Variants in ZNF536 observed in about 807,000 individuals in gnomAD.
ZNF536 encodes zinc finger protein 536.
Under a neutral mutation model 84.5 loss-of-function variants are expected in ZNF536, and 13 were observed. That is an observed-to-expected ratio of 0.15 (90% CI 0.10 to 0.24). The LOEUF is 0.24. ZNF536 is among the 10% of genes least tolerant of loss of function. The probability of loss-of-function intolerance (pLI) is 1.00; values close to 1 mark genes in which losing one functional copy is unlikely to be tolerated. For synonymous variants in ZNF536, 811 were observed against 742.5 expected (o/e 1.09, Z -1.50); for missense variants, 1,536 against 1,747.5 (o/e 0.88, Z 2.16).
chr19:30,698,826 G>GCCCC (rs2051772651), intron 1 of ZNF536, among the ~76,000 whole-genome samples: 1 of 152,210 alleles, frequency 6.6e-6, no homozygotes, highest in Non-Finnish European at 1.5e-5. Flanking sequence ...ACTTGGCACA[G>GCCCC]TCCACTCTTA....
At chr19:30,380,629 C>G (rs112352650) in intron 1 of ZNF536, among the ~76,000 whole-genome samples, 10,457 of 152,188 alleles carry the variant, frequency 0.069, 1,221 homozygotes, top group African/African-American at 0.24. Flanking sequence ...TGTGAGCCCT[C>G]TCAGACCAGA....
chr19:30,638,949 C>T (rs778572914), intron 1 of ZNF536, among the ~76,000 whole-genome samples: 46 of 152,228 alleles, frequency 3.0e-4, no homozygotes, highest in South Asian at 6.2e-4. Flanking sequence ...TTTCTTTTGG[C>T]GATTCCCATT....
At chr19:30,560,919 G>A (rs533702891), downstream of ZNF536, among the ~76,000 whole-genome samples, 56 of 152,218 alleles carry the variant, frequency 3.7e-4, no homozygotes, top group Non-Finnish European at 5.0e-4. Flanking sequence ...CAAGGGATGC[G>A]CATTTTCAAG....
chr19:30,323,937 G>C (rs913883999), intron 2 of ZNF536, among the ~76,000 whole-genome samples: 1 of 151,690 alleles, frequency 6.6e-6, no homozygotes, highest in African/African-American at 2.4e-5. Flanking sequence ...CCATCCATCT[G>C]TCCATCCCTT....
At chr19:30,566,511 T>A (rs2046351479) in intron 1 of ZNF536, among the ~76,000 whole-genome samples, 1 of 152,254 alleles carries the variant, frequency 6.6e-6, no homozygotes, top group Admixed American at 6.5e-5. Flanking sequence ...ATTATTCTCA[T>A]TTTAAGTATG....
At chr19:30,337,526 G>A (rs1420317434) in intron 2 of ZNF536, among the ~76,000 whole-genome samples, 1 of 152,134 alleles carries the variant, frequency 6.6e-6, no homozygotes, top group Non-Finnish European at 1.5e-5. Flanking sequence ...GTACTTTCCT[G>A]GGCACCACAA....
intron 1 of ZNF536, among the ~76,000 whole-genome samples, chr19:30,645,571 A>G (rs2049435885): frequency 1.3e-5 from 2 of 152,232 alleles, no homozygotes; most frequent in African/African-American, 4.8e-5. Context: ...TGACCTTTTA[A>G]ATATGGAAAC....
intron 1 of ZNF536, among the ~76,000 whole-genome samples, chr19:30,640,199 A>T (rs1165007315): frequency 6.6e-6 from 1 of 150,746 alleles, no homozygotes; most frequent in Non-Finnish European, 1.5e-5. Context: ...GTGAGCCAAG[A>T]TCACGCCACT....
intron 1 of ZNF536, among the ~76,000 whole-genome samples, chr19:30,636,317 C>A (rs953734297): frequency 6.6e-6 from 1 of 152,126 alleles, no homozygotes; most frequent in Non-Finnish European, 1.5e-5. Context: ...GTGATCATCT[C>A]CCCCATGGCA....
At chr19:30,650,241 A>T (rs1183323524) in intron 1 of ZNF536, among the ~76,000 whole-genome samples, 1 of 152,230 alleles carries the variant, frequency 6.6e-6, no homozygotes, top group Non-Finnish European at 1.5e-5. Context: ...GCAAACAAGG[A>T]CAAAATGATC....
At chr19:30,381,791 C>G (rs942610544) in intron 1 of ZNF536, among the ~76,000 whole-genome samples, 1 of 152,096 alleles carries the variant, frequency 6.6e-6, no homozygotes, top group Non-Finnish European at 1.5e-5. Flanking sequence ...GGGACAGAAG[C>G]GTTCAGAGTC....
chr19:30,440,737 CA>C (rs1437190226), intron 1 of ZNF536, among the ~76,000 whole-genome samples: 2 of 152,064 alleles, frequency 1.3e-5, no homozygotes, highest in Non-Finnish European at 1.5e-5. Flanking sequence ...TGTGTGAGCT[CA>C]GACCCACAAG....
intron 3 of ZNF536, among the ~76,000 whole-genome samples, chr19:30,539,136 C>G (rs140018206): frequency 6.6e-6 from 1 of 152,012 alleles, no homozygotes; most frequent in African/African-American, 2.4e-5. Flanking sequence ...CACACACACA[C>G]ACGCACACAG....
chr19:30,377,227 G>T (rs1248086727), intron 1 of ZNF536, among the ~76,000 whole-genome samples: 1 of 152,168 alleles, frequency 6.6e-6, no homozygotes, highest in Non-Finnish European at 1.5e-5. Flanking sequence ...CAGCCCCTCT[G>T]GTCTCAGAGC....
intron 2 of ZNF536, among the ~76,000 whole-genome samples, chr19:30,289,899 C>G (rs1329255607): frequency 6.6e-6 from 1 of 152,146 alleles, no homozygotes; most frequent in Non-Finnish European, 1.5e-5. Context: ...ATAAAACTTA[C>G]TATCTTGACC....
chr19:30,513,386 A>T (rs1370901045), intron 2 of ZNF536, among the ~76,000 whole-genome samples: 3 of 152,174 alleles, frequency 2.0e-5, no homozygotes, highest in Non-Finnish European at 4.4e-5. Flanking sequence ...ACCCTGCAGG[A>T]CAGCAGGCAC....
At chr19:30,379,644 G>A (rs1032365667) in intron 1 of ZNF536, among the ~76,000 whole-genome samples, 4 of 151,224 alleles carry the variant, frequency 2.6e-5, no homozygotes, top group African/African-American at 9.7e-5. Context: ...GGGCTGGGGG[G>A]TGTAGTGGGT....
At chr19:30,495,296 A>G (rs1397972882) in intron 2 of ZNF536, among the ~76,000 whole-genome samples, 1 of 152,242 alleles carries the variant, frequency 6.6e-6, no homozygotes, top group African/African-American at 2.4e-5. Context: ...AGCAAAGGAC[A>G]GGCTAAGGTC....
At chr19:30,419,130 A>G (rs1279038817) in intron 1 of ZNF536, among the ~76,000 whole-genome samples, 2 of 152,126 alleles carry the variant, frequency 1.3e-5, no homozygotes, top group Admixed American at 6.5e-5. Context: ...CAGAATTGGT[A>G]CCAAACTGTA....
Sources: allele counts gnomAD v4.1 joint callset (sites outside exome capture counted in the v4.1 genomes callset), GRCh38; gene constraint gnomAD v4.1.1; transcripts MANE v1.5; gene names NCBI Gene and HGNC (gene_info 2026-07-23, HGNC 2026-07-21).